TMTC2: variants seen among roughly 807,000 people sequenced by gnomAD.
TMTC2 encodes the protein protein O-mannosyl-transferase TMTC2.
Under a neutral mutation model 82.4 loss-of-function variants are expected in TMTC2, and 43 were observed. The ratio of observed to expected loss-of-function variants is 0.52; its 90% CI spans 0.41 to 0.67. TMTC2 has a LOEUF of 0.67. Among genes scored for constraint, TMTC2 ranks in the 30% least tolerant of loss-of-function variants. The pLI is 0.00. For missense variants in TMTC2, 919 were observed against 1,012.4 expected (o/e 0.91, Z 1.25); for synonymous variants, 408 against 381.9 (o/e 1.07, Z -0.80).
At chr12:82,766,918 C>G (rs923456966) in intron 1 of TMTC2, among the ~76,000 whole-genome samples, 1 of 152,152 alleles carries the variant, frequency 6.6e-6, no homozygotes, top group South Asian at 2.1e-4. Context: ...TCTGCCTCAG[C>G]CTCCCAAGTA....
At chr12:82,724,976 T>C (rs889735941) in intron 1 of TMTC2, among the ~76,000 whole-genome samples, 4 of 152,192 alleles carry the variant, frequency 2.6e-5, no homozygotes, top group African/African-American at 9.7e-5. Context: ...TGTAGGCTGA[T>C]CACTGTAGGC....
intron 1 of TMTC2, among the ~76,000 whole-genome samples, chr12:82,727,978 A>C (rs1016284097): frequency 5.9e-5 from 9 of 152,106 alleles, no homozygotes; most frequent in African/African-American, 2.2e-4. Context: ...TAGTTTCAAG[A>C]GGGTAAGTCA....
chr12:82,829,062 C>G (rs1375212570), intron 1 of TMTC2, among the ~76,000 whole-genome samples: 1 of 152,036 alleles, frequency 6.6e-6, no homozygotes, highest in East Asian at 1.9e-4. Context: ...TGATGTTTTT[C>G]TAGTAGGTAG....
chr12:82,889,694 G>A (rs927952693), intron 2 of TMTC2, among the ~76,000 whole-genome samples: 1 of 152,080 alleles, frequency 6.6e-6, no homozygotes, highest in East Asian at 1.9e-4. Context: ...TGCATATTTT[G>A]CAACATGATT....
At chr12:82,867,956 AC>A (rs1230169188) in intron 2 of TMTC2, among the ~76,000 whole-genome samples, 1 of 152,178 alleles carries the variant, frequency 6.6e-6, no homozygotes, top group African/African-American at 2.4e-5. Context: ...AGGCCATTGG[AC>A]TGGTGCCTGC....
intron 8 of TMTC2, among the ~76,000 whole-genome samples, chr12:83,025,664 G>C (rs960989598): frequency 6.6e-6 from 1 of 151,992 alleles, no homozygotes; most frequent in Non-Finnish European, 1.5e-5. Context: ...CCCACTTTAG[G>C]TGCCAATCCA....
At chr12:83,038,140 G>T (rs1470526731) in intron 9 of TMTC2, among the ~76,000 whole-genome samples, 1 of 120,906 alleles carries the variant, frequency 8.3e-6, no homozygotes, top group Non-Finnish European at 1.7e-5. Context: ...CCTGCTGTGG[G>T]GTGGGGGGAG....
At chr12:82,856,925 G>T in intron 1 of TMTC2, 85 bp from the exon 2 acceptor site, 1 of 1,311,008 alleles carries the variant, frequency 7.6e-7, no homozygotes, top group East Asian at 2.3e-5. Flanking sequence ...CAAAGCTTCT[G>T]AGAAAGGCAG....
At chr12:82,752,223 G>T (rs149982643) in intron 1 of TMTC2, among the ~76,000 whole-genome samples, 1 of 140,104 alleles carries the variant, frequency 7.1e-6, no homozygotes, top group Non-Finnish European at 1.5e-5. Context: ...GGTGACTCAC[G>T]CCTGTAATCC....
At position 83,133,978 on chromosome 12, in the gene TMTC2, TTA is replaced by T. The variant is rs1458695983; in HGVS notation, c.*1591_*1592del. On this transcript the variant is annotated 3_prime_UTR_variant, in exon 12 of 12. Transcript: ENST00000321196. Reference sequence around the variant, plus strand: ...AAGCTGGACATGCAAATACATCATATTATGTTTTCTCCATATTTTATGTTTTT... The same window carrying T: ...AAGCTGGACATGCAAATACATCATATTGTTTTCTCCATATTTTATGTTTTT... 6.6e-6 allele frequency: 1 copy of T among 152,564 alleles called. No individual in the cohort carries two copies. Among genetic ancestry groups the T allele is most frequent in the Non-Finnish European group, 1.5e-5 (1 of 68,028 alleles). The allele number at this position is 152,564 out of a possible 1,614,324, so 9.5% of individuals were successfully genotyped here. A position where few individuals can be genotyped will look rare whatever the true frequency, so the allele number is the denominator to read the frequency against.
intron 9 of TMTC2, among the ~76,000 whole-genome samples, chr12:83,038,104 A>G (rs144298352): frequency 0.037 from 4,807 of 130,770 alleles, 108 homozygotes; most frequent in Non-Finnish European, 0.052. Flanking sequence ...ACATGGACAC[A>G]GGAAGGGGAA....
intron 1 of TMTC2, among the ~76,000 whole-genome samples, chr12:82,762,202 C>A (rs1425723964): frequency 1.3e-5 from 2 of 152,012 alleles, no homozygotes; most frequent in African/African-American, 4.8e-5. Context: ...CTCCTGAACT[C>A]GTGATCCACC....
chr12:83,067,342 A>T (rs1882954838), intron 11 of TMTC2, among the ~76,000 whole-genome samples: 1 of 152,044 alleles, frequency 6.6e-6, no homozygotes, highest in African/African-American at 2.4e-5. Context: ...ATTTATTACA[A>T]ATTAAAGATA....
intron 1 of TMTC2, among the ~76,000 whole-genome samples, chr12:82,823,084 G>A (rs6539693): frequency 0.19 from 29,099 of 152,136 alleles, 5,525 homozygotes; most frequent in African/African-American, 0.5. Context: ...GATGGGACTG[G>A]AATTAACCTG....
intron 1 of TMTC2, among the ~76,000 whole-genome samples, chr12:82,760,600 T>C (rs1281952041): frequency 6.6e-6 from 1 of 150,778 alleles, no homozygotes; most frequent in African/African-American, 2.4e-5. Flanking sequence ...CCCCAGGTCA[T>C]GGACCAGTAT....
At chr12:83,118,348 T>C (rs1411354584) in intron 11 of TMTC2, among the ~76,000 whole-genome samples, 1 of 152,170 alleles carries the variant, frequency 6.6e-6, no homozygotes, top group African/African-American at 2.4e-5. Flanking sequence ...ATGTCCTTTG[T>C]ATGCCGATTT....
intron 11 of TMTC2, among the ~76,000 whole-genome samples, chr12:83,096,125 A>G (rs1884020886): frequency 6.6e-6 from 1 of 152,232 alleles, no homozygotes; most frequent in Non-Finnish European, 1.5e-5. Context: ...CAGAGTGTAT[A>G]GTTTGTTTAT....
chr12:82,779,250 TG>T (rs1877771005), intron 1 of TMTC2, among the ~76,000 whole-genome samples: 1 of 151,576 alleles, frequency 6.6e-6, no homozygotes, highest in Non-Finnish European at 1.5e-5. Flanking sequence ...GGGGCAGAAG[TG>T]GGAAAAGTTG....
Position 82,716,657 on chromosome 12 carries a change from C to T in TMTC2, c.83+28988C>T, listed in dbSNP as rs570092465. ...GATTACAGGCGTGAGCCACCGCGCC[C>T]GGCCTGTCTGGTACATTTTTGCTGA... On this transcript the variant is annotated intron_variant, in intron 1 of 11. Coordinates refer to ENST00000321196, the MANE Select transcript of TMTC2 (RefSeq NM_152588.3). Among the ~76,000 whole-genome samples, 487 of 152,160 alleles carry T rather than the reference C, an allele frequency of 3.2e-3. 2 individuals carry two copies. Among genetic ancestry groups the T allele is most frequent in the African/African-American group, 4.3e-3 (177 of 41,526 alleles).
Sources: allele counts gnomAD v4.1 joint callset (sites outside exome capture counted in the v4.1 genomes callset), GRCh38; gene constraint gnomAD v4.1.1; transcripts MANE v1.5; gene names NCBI Gene and HGNC (gene_info 2026-07-23, HGNC 2026-07-21).